The following NEXMIF variants were observed in gnomAD, a reference collection of about 807,000 sequenced individuals.
The protein encoded by NEXMIF is XLMR protein related to neurite extension.
In NEXMIF, 8 loss-of-function variants were observed where a neutral mutation model predicts 62.1. That is an observed-to-expected ratio of 0.13 (90% CI 0.08 to 0.23). The LOEUF is 0.23. Ranked by LOEUF, NEXMIF falls within the 10% of genes least tolerant of loss-of-function variation. NEXMIF has a pLI of 1.00. For missense variants in NEXMIF, 976 were observed against 1,113.3 expected, an observed-to-expected ratio of 0.88 and a Z score of 1.75; for synonymous variants, 404 against 416.6, an observed-to-expected ratio of 0.97 and a Z score of 0.37.
intron 1 of NEXMIF, among the ~76,000 whole-genome samples, chrX:74,815,289 T>G (rs901581409): frequency 9.8e-5 from 11 of 112,016 alleles, no homozygotes; most frequent in Non-Finnish European, 1.9e-4. Context: ...GAATGGATCA[T>G]GGGTTTTAAG....
intron 1 of NEXMIF, among the ~76,000 whole-genome samples, chrX:74,829,639 A>C (rs1348435690): frequency 8.9e-6 from 1 of 111,885 alleles, no homozygotes; most frequent in Non-Finnish European, 1.9e-5. Context: ...ACTGTTCTCC[A>C]CAGTGCTTGC....
At chrX:74,760,417 C>G (rs1478551166) in intron 1 of NEXMIF, among the ~76,000 whole-genome samples, 1 of 111,560 alleles carries the variant, frequency 9.0e-6, no homozygotes, top group East Asian at 2.8e-4. Context: ...GCCAGAACTT[C>G]TAATATGTTG....
At position 74,859,772 on chromosome X, in the gene NEXMIF, G is replaced by A. The variant is rs145016693; in HGVS notation, c.-48+65111C>T. Among the ~76,000 whole-genome samples, 518 of 111,295 alleles carry A rather than the reference G, an allele frequency of 4.7e-3. 6 individuals carry two copies. Among genetic ancestry groups the A allele is most frequent in the Non-Finnish European group, 5.3e-3 (282 of 52,879 alleles). The stretch of plus-strand genomic sequence containing the variant: ...AAAAAGCGGGAGGATGAAGTTAAGG[G>A]GTAGAGTGTTTATTAGTTTACATTT... On this transcript the variant is annotated intron_variant, in intron 1 of 3. Coordinates refer to ENST00000055682, the MANE Select transcript of NEXMIF (RefSeq NM_001008537.3).
At chrX:74,905,215 G>T (rs1231836365) in intron 1 of NEXMIF, among the ~76,000 whole-genome samples, 1 of 111,632 alleles carries the variant, frequency 9.0e-6, no homozygotes, top group Non-Finnish European at 1.9e-5. Context: ...ACTTGTTGCA[G>T]AATGACACAT....
intron 1 of NEXMIF, among the ~76,000 whole-genome samples, chrX:74,833,911 C>T (rs1176039643): frequency 9.1e-6 from 1 of 110,071 alleles, no homozygotes; most frequent in Non-Finnish European, 1.9e-5. Flanking sequence ...TTTGGGAGGC[C>T]GAGGCAGGCA....
At chrX:74,779,099 C>T (rs1185324791) in intron 1 of NEXMIF, among the ~76,000 whole-genome samples, 1 of 112,491 alleles carries the variant, frequency 8.9e-6, no homozygotes, top group African/African-American at 3.2e-5. Context: ...AGACGCCATT[C>T]ACCAATTCAT....
chrX:74,760,857 T>G (rs1285179493), intron 1 of NEXMIF, among the ~76,000 whole-genome samples: 2 of 103,350 alleles, frequency 1.9e-5, no homozygotes, highest in Non-Finnish European at 2.0e-5. Context: ...TTTATTTATT[T>G]ATTTATTTAT....
chrX:74,829,251 G>A (rs1338637386), intron 1 of NEXMIF, among the ~76,000 whole-genome samples: 2 of 112,014 alleles, frequency 1.8e-5, no homozygotes, highest in African/African-American at 6.5e-5. Flanking sequence ...ATGTCCATGA[G>A]TTTAATCGTT....
chrX:74,776,348 T>TG (rs1167870438), intron 1 of NEXMIF, among the ~76,000 whole-genome samples: 2 of 111,687 alleles, frequency 1.8e-5, no homozygotes, highest in African/African-American at 3.3e-5. Context: ...TCAAGGTCCA[T>TG]GGGGAAATAT....
At chrX:74,878,582 C>A (rs2080648752) in intron 1 of NEXMIF, among the ~76,000 whole-genome samples, 1 of 112,787 alleles carries the variant, frequency 8.9e-6, no homozygotes, top group East Asian at 2.8e-4. Flanking sequence ...GCGCCCCTCC[C>A]CCAGCCTCGC....
intron 1 of NEXMIF, among the ~76,000 whole-genome samples, chrX:74,885,307 T>C (rs1166575952): frequency 9.0e-6 from 1 of 110,729 alleles, no homozygotes; most frequent in Non-Finnish European, 1.9e-5. Flanking sequence ...AGAGCAGAAC[T>C]GAAGGAAATA....
intron 1 of NEXMIF, among the ~76,000 whole-genome samples, chrX:74,887,188 AT>A (rs2080698205): frequency 8.9e-6 from 1 of 112,364 alleles, no homozygotes; most frequent in African/African-American, 3.2e-5. Flanking sequence ...ACCTAAAACC[AT>A]AAAAACCCTA....
intron 1 of NEXMIF, among the ~76,000 whole-genome samples, chrX:74,794,448 C>A (rs1346576075): frequency 1.4e-4 from 15 of 110,741 alleles, no homozygotes; most frequent in Non-Finnish European, 5.7e-5. Context: ...TGCCCTGCCC[C>A]CAGAGGTGGA....
intron 1 of NEXMIF, among the ~76,000 whole-genome samples, chrX:74,845,473 C>G (rs933721605): frequency 9.0e-6 from 1 of 111,080 alleles, no homozygotes; most frequent in African/African-American, 3.3e-5. Flanking sequence ...TGTTGGTATA[C>G]AATAGATATA....
chrX:74,763,250 C>G (rs746592643), intron 1 of NEXMIF, among the ~76,000 whole-genome samples: 1 of 111,785 alleles, frequency 8.9e-6, no homozygotes, highest in South Asian at 3.8e-4. Flanking sequence ...TTGTTTTTCT[C>G]AGGTTTGTCA....
chrX:74,749,742 T>C (rs1011593357), intron 1 of NEXMIF, among the ~76,000 whole-genome samples: 1 of 111,450 alleles, frequency 9.0e-6, no homozygotes, highest in African/African-American at 3.3e-5. Flanking sequence ...TCTCAAAGAA[T>C]TTTTATCTCC....
intron 1 of NEXMIF, among the ~76,000 whole-genome samples, chrX:74,764,305 C>G (rs1312340938): frequency 2.7e-5 from 3 of 111,749 alleles, no homozygotes; most frequent in African/African-American, 9.8e-5. Flanking sequence ...GCTTTGCATC[C>G]CAGGGATGAA....
intron 1 of NEXMIF, among the ~76,000 whole-genome samples, chrX:74,867,445 C>G (rs1479748909): frequency 9.0e-6 from 1 of 111,543 alleles, no homozygotes; most frequent in Non-Finnish European, 1.9e-5. Context: ...ACACATAGAC[C>G]AATGGAACAG....
At chrX:74,842,358 A>G (rs1381756271) in intron 1 of NEXMIF, among the ~76,000 whole-genome samples, 5 of 110,912 alleles carry the variant, frequency 4.5e-5, no homozygotes, top group African/African-American at 1.6e-4. Context: ...GTTTATTTGT[A>G]TCTTATTTTC....
Sources: allele counts gnomAD v4.1 joint callset (sites outside exome capture counted in the v4.1 genomes callset), GRCh38; gene constraint gnomAD v4.1.1; transcripts MANE v1.5; gene names NCBI Gene and HGNC (gene_info 2026-07-23, HGNC 2026-07-21).